SEMA3A: variants seen among roughly 807,000 people sequenced by gnomAD.
The protein encoded by SEMA3A is semaphorin-3A.
SEMA3A carries 29 observed loss-of-function variants against 97.9 expected under a neutral mutation model. That is an observed-to-expected ratio of 0.30 (90% CI 0.22 to 0.40). The LOEUF (loss-of-function observed/expected upper bound fraction) is 0.40, where lower values mean the gene tolerates loss of function less well. Among genes scored for constraint, SEMA3A ranks in the 10% least tolerant of loss-of-function variants. SEMA3A has a pLI of 1.00. For missense variants in SEMA3A, 763 were observed against 951.3 expected, an observed-to-expected ratio of 0.80 and a Z score of 2.60; for synonymous variants, 321 against 323.7, an observed-to-expected ratio of 0.99 and a Z score of 0.09.
At chr7:84,094,856 C>A (rs2115868543) in intron 4 of SEMA3A, among the ~76,000 whole-genome samples, 1 of 152,008 alleles carries the variant, frequency 6.6e-6, no homozygotes, top group Non-Finnish European at 1.5e-5. Context: ...AGAACTGATC[C>A]ACTTCAAAGC....
intron 3 of SEMA3A, among the ~76,000 whole-genome samples, chr7:84,302,581 C>G (rs1233993700): frequency 1.3e-5 from 2 of 152,086 alleles, no homozygotes; most frequent in Admixed American, 6.6e-5. Context: ...AAAAATTACT[C>G]AATCTTTCTT....
intron 6 of SEMA3A, among the ~76,000 whole-genome samples, chr7:84,018,700 G>T (rs1047453489): frequency 1.3e-5 from 2 of 152,298 alleles, no homozygotes; most frequent in African/African-American, 2.4e-5. Flanking sequence ...AACGGAGAAA[G>T]TTGTACACAC....
rs111602120 is a variant in SEMA3A at position 84,315,086 on chromosome 7, A to G, written c.-168-7794T>C. On this transcript the variant is annotated intron_variant, in intron 2 of 3. Coordinates refer to the SEMA3A transcript ENST00000424555. ...GCTGGTGGAATGAGATCAACAAGTC[A>G]ATCATTTCCAGAAGGGTAATTAACC... is the stretch of plus-strand genomic sequence containing the variant. Among the ~76,000 whole-genome samples, 5 of 152,286 alleles carry G rather than the reference A, an allele frequency of 3.3e-5. 1 individual carries two copies. Among genetic ancestry groups the G allele is most frequent in the African/African-American group, 1.2e-4 (5 of 41,580 alleles).
intron 1 of SEMA3A, among the ~76,000 whole-genome samples, chr7:84,429,547 T>TAG (rs1804921533): frequency 7.8e-5 from 9 of 115,930 alleles, no homozygotes; most frequent in East Asian, 5.8e-4. Flanking sequence ...TATATATATA[T>TAG]AGCGAGAGAG....
intron 15 of SEMA3A, among the ~76,000 whole-genome samples, chr7:83,971,685 A>G (rs1788919865): frequency 6.6e-6 from 1 of 152,154 alleles, no homozygotes; most frequent in African/African-American, 2.4e-5. Context: ...AGTTAAGAAC[A>G]TGCATGTGTG....
intron 1 of SEMA3A, among the ~76,000 whole-genome samples, chr7:84,137,689 T>TA (rs58880773): frequency 0.018 from 1,537 of 84,958 alleles, 22 homozygotes; most frequent in African/African-American, 0.043. Context: ...GGCCAAACTT[T>TA]AAAAAAAAAA....
intron 2 of SEMA3A, among the ~76,000 whole-genome samples, chr7:84,329,656 CAAT>C (rs764375297): frequency 6.6e-6 from 1 of 151,938 alleles, no homozygotes; most frequent in Non-Finnish European, 1.5e-5. Flanking sequence ...TCCAGGTGAA[CAAT>C]AATGAGATTC....
chr7:84,115,101 T>G (rs1795385678), intron 3 of SEMA3A, among the ~76,000 whole-genome samples: 1 of 152,102 alleles, frequency 6.6e-6, no homozygotes, highest in Non-Finnish European at 1.5e-5. Flanking sequence ...TTTTAGAGAT[T>G]TGAAATAATA....
intron 1 of SEMA3A, among the ~76,000 whole-genome samples, chr7:84,390,257 C>T (rs974840721): frequency 4.6e-5 from 7 of 150,736 alleles, no homozygotes; most frequent in South Asian, 2.1e-4. Context: ...ATCCCAATGC[C>T]GTTATGGTAG....
At chr7:84,414,407 A>G (rs1002394002) in intron 1 of SEMA3A, among the ~76,000 whole-genome samples, 1 of 152,094 alleles carries the variant, frequency 6.6e-6, no homozygotes, top group East Asian at 1.9e-4. Flanking sequence ...AAAAAAAAAA[A>G]AAACAGTATT....
At chr7:84,008,677 T>C (rs1168314816) in intron 9 of SEMA3A, among the ~76,000 whole-genome samples, 3 of 152,150 alleles carry the variant, frequency 2.0e-5, no homozygotes, top group African/African-American at 7.2e-5. Flanking sequence ...GAACAACATG[T>C]GCTTGCAATA....
chr7:84,164,400 C>A (rs1356785740), intron 1 of SEMA3A, among the ~76,000 whole-genome samples: 3 of 152,044 alleles, frequency 2.0e-5, no homozygotes, highest in Non-Finnish European at 4.4e-5. Context: ...TAGTTAAATA[C>A]TACTCAGTGG....
At chr7:83,965,848 T>A (rs1788675022) in intron 15 of SEMA3A, among the ~76,000 whole-genome samples, 1 of 149,146 alleles carries the variant, frequency 6.7e-6, no homozygotes, top group Non-Finnish European at 1.5e-5. Flanking sequence ...GCCCAGCTAG[T>A]TTTTCGTATT....
At chr7:84,013,551 A>G (rs1461383573) in intron 7 of SEMA3A, among the ~76,000 whole-genome samples, 3 of 149,142 alleles carry the variant, frequency 2.0e-5, no homozygotes, top group Non-Finnish European at 4.4e-5. Context: ...AACAACAAAT[A>G]TTTATTCAAA....
At chr7:83,990,906 G>C (rs1341754812) in intron 12 of SEMA3A, among the ~76,000 whole-genome samples, 17 of 151,956 alleles carry the variant, frequency 1.1e-4, no homozygotes, top group African/African-American at 3.6e-4. Flanking sequence ...AAATTACCTT[G>C]GGCAGTATGA....
At chr7:84,377,724 G>A (rs1420689597) in intron 1 of SEMA3A, among the ~76,000 whole-genome samples, 1 of 152,122 alleles carries the variant, frequency 6.6e-6, no homozygotes, top group Admixed American at 6.6e-5. Context: ...AATAAGCTTA[G>A]ATTTTTATTC....
At chr7:83,978,672 G>T (rs1234169128) in intron 14 of SEMA3A, among the ~76,000 whole-genome samples, 1 of 152,180 alleles carries the variant, frequency 6.6e-6, no homozygotes, top group Non-Finnish European at 1.5e-5. Flanking sequence ...TCTATTTGTA[G>T]AATTAGTGAA....
chr7:84,275,273 G>C (rs1399361432), intron 3 of SEMA3A, among the ~76,000 whole-genome samples: 1 of 151,888 alleles, frequency 6.6e-6, no homozygotes, highest in African/African-American at 2.4e-5. Flanking sequence ...CACTTTTGTG[G>C]AACTTTAAGT....
chr7:84,402,932 GACAGGT>G (rs1803947808), intron 1 of SEMA3A, among the ~76,000 whole-genome samples: 1 of 152,108 alleles, frequency 6.6e-6, no homozygotes, highest in African/African-American at 2.4e-5. Context: ...GAGAGTTGAA[GACAGGT>G]TGGTTTACAA....
Sources: gnomAD v4.1 joint callset for allele counts (sites outside exome capture counted in the v4.1 genomes callset) on GRCh38, gnomAD v4.1.1 for gene constraint, MANE v1.5 for transcripts, NCBI Gene and HGNC (gene_info 2026-07-23, HGNC 2026-07-21) for gene names.